SGK1: variants seen among roughly 807,000 people sequenced by gnomAD.
SGK1 encodes serine/threonine-protein kinase Sgk1.
A neutral mutation model predicts 64.2 loss-of-function variants in SGK1; 26 were observed. The ratio of observed to expected loss-of-function variants is 0.40; its 90% CI spans 0.30 to 0.56. The LOEUF (loss-of-function observed/expected upper bound fraction) is 0.56, where lower values mean the gene tolerates loss of function less well. Among genes scored for constraint, SGK1 ranks in the 20% least tolerant of loss-of-function variants. SGK1 has a pLI of 0.38. For missense variants in SGK1, 519 were observed against 645.6 expected, an observed-to-expected ratio of 0.80 and a Z score of 2.12; for synonymous variants, 265 against 239.7, an observed-to-expected ratio of 1.11 and a Z score of -0.98.
At chr6:134,204,472 GAAA>G (rs71003675) in intron 3 of SGK1, among the ~76,000 whole-genome samples, 1 of 114,784 alleles carries the variant, frequency 8.7e-6, no homozygotes, top group Non-Finnish European at 1.7e-5. Context: ...TCCATCTCAG[GAAA>G]AAAAAAAAAA....
intron 3 of SGK1, among the ~76,000 whole-genome samples, chr6:134,204,449 GAC>G (rs1397179946): frequency 7.4e-6 from 1 of 136,050 alleles, no homozygotes; most frequent in Non-Finnish European, 1.5e-5. Context: ...CAGCCTGGGC[GAC>G]AGAGCAAGAC....
chr6:134,256,885 A>G (rs1776692462), intron 2 of SGK1: 3 of 152,226 alleles, frequency 2.0e-5, no homozygotes, highest in Admixed American at 2.0e-4. Flanking sequence ...ACATGTTTCA[A>G]GGCCACTAAC....
At chr6:134,171,541 C>A in intron 11 of SGK1, 96 bp downstream of exon 11, 1 of 807,866 alleles carries the variant, frequency 1.2e-6, no homozygotes, top group South Asian at 1.5e-5. Flanking sequence ...GATAAGCGTA[C>A]TGGTAAGGGC....
chr6:134,172,628 C>A (rs1562237249), intron 9 of SGK1, 34 bp downstream of exon 9: 7 of 1,402,544 alleles, frequency 5.0e-6, no homozygotes. Context: ...TCCTTTATAC[C>A]AAAACTGGTA....
chr6:134,191,537 C>T (rs1331581048), intron 3 of SGK1, among the ~76,000 whole-genome samples: 3 of 152,166 alleles, frequency 2.0e-5, no homozygotes, highest in Non-Finnish European at 2.9e-5. Flanking sequence ...TAAGGACATA[C>T]CTATCAGCGA....
chr6:134,252,999 T>C (rs144853572), intron 2 of SGK1, among the ~76,000 whole-genome samples: 236 of 152,318 alleles, frequency 1.5e-3, no homozygotes, highest in African/African-American at 5.2e-3. Context: ...TTAAGAAAGA[T>C]CAGAAAAACT....
rs2114755610 is a variant in SGK1 at position 134,267,689 on chromosome 6, G to C, written c.70-5541C>G. Among the ~76,000 whole-genome samples, 4 of 152,258 alleles carry C rather than the reference G, an allele frequency of 2.6e-5. No homozygotes were observed. In the Middle Eastern group the frequency reaches 0.014, roughly 518 times the overall value. Reference sequence around the variant, plus strand: ...AAGCATATGAATGATCAGGATCATTGCGGGTGGAGGGCTCAATTTTAAACA... The same window carrying C: ...AAGCATATGAATGATCAGGATCATTCCGGGTGGAGGGCTCAATTTTAAACA... On this transcript the variant is annotated intron_variant, in intron 1 of 13. Transcript: ENST00000367858.
At chr6:134,254,527 C>T (rs185350864) in intron 2 of SGK1, among the ~76,000 whole-genome samples, 142 of 152,138 alleles carry the variant, frequency 9.3e-4, no homozygotes, top group Admixed American at 3.5e-3. Context: ...TGGTGTTTTC[C>T]CCAAACGCAC....
chr6:134,270,915 C>T (rs1776929995), intron 1 of SGK1, among the ~76,000 whole-genome samples: 1 of 136,394 alleles, frequency 7.3e-6, no homozygotes, highest in Non-Finnish European at 1.6e-5. Flanking sequence ...CACCCTGTCC[C>T]ACCCCACCCC....
intron 3 of SGK1, among the ~76,000 whole-genome samples, chr6:134,198,003 C>A (rs1320320904): frequency 6.6e-6 from 1 of 151,938 alleles, no homozygotes; most frequent in Non-Finnish European, 1.5e-5. Context: ...ACATAAGTGG[C>A]CTCTAGGGAA....
chr6:134,205,958 G>A (rs1366540918), intron 3 of SGK1, among the ~76,000 whole-genome samples: 2 of 151,976 alleles, frequency 1.3e-5, no homozygotes, highest in Non-Finnish European at 2.9e-5. Flanking sequence ...TAGGCCTCAC[G>A]GCTCATGTGT....
At chr6:134,206,581 G>A (rs1276315519) in intron 3 of SGK1, among the ~76,000 whole-genome samples, 2 of 150,960 alleles carry the variant, frequency 1.3e-5, no homozygotes, top group African/African-American at 2.4e-5. Context: ...AAAATTGATT[G>A]CAAGGCTAGG....
chr6:134,299,520 G>A (rs1777413966), intron 1 of SGK1, among the ~76,000 whole-genome samples: 1 of 152,168 alleles, frequency 6.6e-6, no homozygotes, highest in African/African-American at 2.4e-5. Flanking sequence ...ATCAGAGGTG[G>A]GGAGTTATGC....
intron 2 of SGK1, among the ~76,000 whole-genome samples, chr6:134,232,473 A>AAGAAGGAAAGAAAG (rs1776303787): frequency 6.2e-5 from 6 of 96,106 alleles, no homozygotes; most frequent in Admixed American, 1.1e-4. Flanking sequence ...GAAAGAAAGA[A>AAGAAGGAAAGAAAG]AGAAAGAAAG....
intron 1 of SGK1, among the ~76,000 whole-genome samples, chr6:134,271,048 G>C (rs1776932997): frequency 6.8e-6 from 1 of 147,520 alleles, no homozygotes; most frequent in Admixed American, 7.0e-5. Flanking sequence ...CAGGTGCGGT[G>C]GCTCATGCCT....
intron 2 of SGK1, among the ~76,000 whole-genome samples, chr6:134,254,239 A>G (rs1316678015): frequency 1.3e-5 from 2 of 152,160 alleles, no homozygotes; most frequent in South Asian, 2.1e-4. Context: ...AGGAGATAAG[A>G]AAATGAACAC....
intron 1 of SGK1, among the ~76,000 whole-genome samples, chr6:134,309,602 G>A (rs1313817202): frequency 4.1e-5 from 6 of 147,898 alleles, no homozygotes; most frequent in Non-Finnish European, 8.9e-5. Context: ...AGAGGATGTG[G>A]ATCTCTATAG....
chr6:134,185,500 G>C (rs1775406377), intron 3 of SGK1, among the ~76,000 whole-genome samples: 1 of 151,332 alleles, frequency 6.6e-6, no homozygotes, highest in African/African-American at 2.4e-5. Flanking sequence ...TATGCAAGTG[G>C]TACAAATGCT....
chr6:134,305,929 T>C (rs1394677811), intron 1 of SGK1, among the ~76,000 whole-genome samples: 2 of 152,180 alleles, frequency 1.3e-5, no homozygotes, highest in African/African-American at 4.8e-5. Flanking sequence ...CATTTCACCA[T>C]CTTTTGGCTT....
Sources: gnomAD v4.1 joint callset for allele counts (sites outside exome capture counted in the v4.1 genomes callset) on GRCh38, gnomAD v4.1.1 for gene constraint, MANE v1.5 for transcripts, NCBI Gene and HGNC (gene_info 2026-07-23, HGNC 2026-07-21) for gene names.